Variants in PLCB1 observed in about 807,000 individuals in gnomAD.
PLCB1 encodes the protein phospholipase C beta 1.
A neutral mutation model predicts 161.8 loss-of-function variants in PLCB1; 46 were observed. The ratio of observed to expected loss-of-function variants is 0.28; its 90% CI spans 0.22 to 0.36. PLCB1 has a LOEUF of 0.36. Ranked by LOEUF, PLCB1 falls within the 10% of genes least tolerant of loss-of-function variation. The pLI, the probability that PLCB1 is intolerant of heterozygous loss-of-function variation, is 1.00. For missense variants in PLCB1, 1,016 were observed against 1,472.5 expected, an observed-to-expected ratio of 0.69 and a Z score of 5.07; for synonymous variants, 517 against 503.7, an observed-to-expected ratio of 1.03 and a Z score of -0.35.
At chr20:8,310,694 G>A (rs1984356744) in intron 2 of PLCB1, among the ~76,000 whole-genome samples, 1 of 152,158 alleles carries the variant, frequency 6.6e-6, no homozygotes, top group Non-Finnish European at 1.5e-5. Context: ...CCGTCACCCA[G>A]ATAGTTTTTC....
intron 3 of PLCB1, among the ~76,000 whole-genome samples, chr20:8,518,082 T>C (rs2122873225): frequency 6.6e-6 from 1 of 151,972 alleles, no homozygotes; most frequent in Admixed American, 6.5e-5. Flanking sequence ...CTCAGGAGGC[T>C]GAGGCAGGAG....
rs184956394 is a variant in PLCB1, at chr20:8,240,496, C to T, written c.177+90125C>T. Among the ~76,000 whole-genome samples the T allele has an allele frequency of 1.1e-3, 170 of 151,936 alleles. 1 individual carries two copies. Among genetic ancestry groups the T allele is most frequent in the Non-Finnish European group, 2.8e-4 (19 of 67,920 alleles). ...CACATGGATGCGCCATCATTTTTTT[C>T]ACTTTCTCCTTAAATGGATATTTGG... On this transcript the variant is annotated intron_variant, in intron 2 of 31. Coordinates refer to ENST00000338037, the MANE Select transcript of PLCB1 (RefSeq NM_015192.4).
intron 31 of PLCB1, among the ~76,000 whole-genome samples, chr20:8,844,882 G>A (rs1035257440): frequency 2.0e-5 from 3 of 152,008 alleles, no homozygotes; most frequent in Non-Finnish European, 2.9e-5. Context: ...AGGCCGAGGC[G>A]GGCGGATCAC....
intron 12 of PLCB1, among the ~76,000 whole-genome samples, chr20:8,713,966 T>G (rs1979160909): frequency 6.6e-6 from 1 of 152,132 alleles, no homozygotes; most frequent in African/African-American, 2.4e-5. Flanking sequence ...AAGAATATGG[T>G]TCCCTGGAAA....
At chr20:8,511,611 T>G (rs936124434) in intron 3 of PLCB1, among the ~76,000 whole-genome samples, 8 of 152,196 alleles carry the variant, frequency 5.3e-5, no homozygotes, top group African/African-American at 1.9e-4. Flanking sequence ...TTTTCCCTAA[T>G]TGGCTATACT....
intron 3 of PLCB1, among the ~76,000 whole-genome samples, chr20:8,539,691 T>TC (rs1568499556): frequency 1.2e-4 from 3 of 24,578 alleles, no homozygotes; most frequent in Non-Finnish European, 3.5e-4. Flanking sequence ...TTTCTTTTTC[T>TC]TTTTCCTTCC....
chr20:8,876,925 T>C (rs746470446), intron 31 of PLCB1, among the ~76,000 whole-genome samples: 1 of 152,054 alleles, frequency 6.6e-6, no homozygotes. Context: ...TGACACATTC[T>C]CCTAGACAGA....
At chr20:8,145,464 C>T (rs1033547709) in intron 1 of PLCB1, among the ~76,000 whole-genome samples, 1 of 152,206 alleles carries the variant, frequency 6.6e-6, no homozygotes, top group African/African-American at 2.4e-5. Flanking sequence ...TGACATACCT[C>T]CGCCTGGTAA....
intron 4 of PLCB1, among the ~76,000 whole-genome samples, chr20:8,641,639 T>C (rs913562067): frequency 1.3e-5 from 2 of 152,244 alleles, no homozygotes; most frequent in African/African-American, 4.8e-5. Context: ...CTTACCTGAT[T>C]GATTGTTCAA....
chr20:8,416,048 C>G (rs533140300), intron 3 of PLCB1, among the ~76,000 whole-genome samples: 3 of 152,338 alleles, frequency 2.0e-5, no homozygotes, highest in Admixed American at 6.5e-5. Flanking sequence ...CTCTTTCACT[C>G]TGTCTCTCCC....
chr20:8,317,281 G>A (rs1226326559), intron 2 of PLCB1, among the ~76,000 whole-genome samples: 2 of 152,030 alleles, frequency 1.3e-5, no homozygotes, highest in African/African-American at 4.8e-5. Context: ...CCCTTGGAGG[G>A]CCTCTTAAAA....
At chr20:8,496,817 A>G (rs2043858000) in intron 3 of PLCB1, among the ~76,000 whole-genome samples, 2 of 152,196 alleles carry the variant, frequency 1.3e-5, no homozygotes, top group African/African-American at 2.4e-5. Context: ...TGGTGTATCT[A>G]CTACCACACT....
At chr20:8,780,294 C>T (rs1321111839) in intron 27 of PLCB1, among the ~76,000 whole-genome samples, 2 of 152,128 alleles carry the variant, frequency 1.3e-5, no homozygotes, top group Non-Finnish European at 2.9e-5. Flanking sequence ...GCAGGGATTT[C>T]GTTGTAATGT....
chr20:8,230,981 G>A (rs554355205), intron 2 of PLCB1, among the ~76,000 whole-genome samples: 43 of 152,146 alleles, frequency 2.8e-4, no homozygotes, highest in African/African-American at 9.9e-4. Flanking sequence ...CACCCTCATT[G>A]TTCCTTTACC....
intron 2 of PLCB1, among the ~76,000 whole-genome samples, chr20:8,233,071 A>C (rs6055684): frequency 0.031 from 4,664 of 152,284 alleles, 218 homozygotes; most frequent in African/African-American, 0.1. Context: ...TAACTCAACC[A>C]TATGGCCAGT....
intron 3 of PLCB1, among the ~76,000 whole-genome samples, chr20:8,539,549 T>C (rs943116165): frequency 7.2e-5 from 11 of 152,208 alleles, no homozygotes; most frequent in South Asian, 2.1e-4. Context: ...TTTACTGTTA[T>C]ACTGTTTTAT....
chr20:8,622,236 G>C lies in PLCB1; in HGVS notation c.247-6058G>C, dbSNP rs141226000. Among the ~76,000 whole-genome samples the C allele has an allele frequency of 4.0e-3, 595 of 148,186 alleles. 1 individual carries two copies. The highest frequency in any genetic ancestry group is 6.9e-3 in the Non-Finnish European group (465 of 67,442). ...GCCACTGCATTCCAGCCTGGTGACA[G>C]AGCAAGACTCTGCCTCAGGAAAAAA... On this transcript the variant is annotated intron_variant, in intron 3 of 31. Coordinates refer to ENST00000338037, the MANE Select transcript of PLCB1 (RefSeq NM_015192.4).
At chr20:8,237,054 T>TAAA (rs1980364837) in intron 2 of PLCB1, among the ~76,000 whole-genome samples, 1 of 152,106 alleles carries the variant, frequency 6.6e-6, no homozygotes, top group African/African-American at 2.4e-5. Context: ...TGGTAGCCTT[T>TAAA]GGCATATTTA....
intron 3 of PLCB1, among the ~76,000 whole-genome samples, chr20:8,607,024 C>G (rs1987776156): frequency 1.3e-5 from 2 of 152,084 alleles, no homozygotes; most frequent in Non-Finnish European, 2.9e-5. Flanking sequence ...CATAGCTTTC[C>G]CTAATATCGG....
Sources: allele counts gnomAD v4.1 joint callset (sites outside exome capture counted in the v4.1 genomes callset), GRCh38; gene constraint gnomAD v4.1.1; transcripts MANE v1.5; gene names NCBI Gene and HGNC (gene_info 2026-07-23, HGNC 2026-07-21).